The following CLDN16 variants were observed in gnomAD, a reference collection of about 807,000 sequenced individuals.
CLDN16 encodes claudin-16.
Under a neutral mutation model 24.6 loss-of-function variants are expected in CLDN16, and 13 were observed. That is an observed-to-expected ratio of 0.53 (90% CI 0.34 to 0.84). The LOEUF (loss-of-function observed/expected upper bound fraction) is 0.84. CLDN16 is among the 40% of genes least tolerant of loss of function. The pLI is 0.01. For missense variants in CLDN16, 298 were observed against 292.7 expected, an observed-to-expected ratio of 1.02 and a Z score of -0.13; for synonymous variants, 116 against 106.7, an observed-to-expected ratio of 1.09 and a Z score of -0.54.
At chr3:190,293,032 G>A in the CLDN16 span, among the ~76,000 whole-genome samples, 1 of 152,094 alleles carries the variant, frequency 6.6e-6, no homozygotes, top group Admixed American at 6.6e-5. Flanking sequence ...CCAATTTACT[G>A]TATTAGTCTA....
intron 3 of CLDN16, among the ~76,000 whole-genome samples, chr3:190,407,537 C>T (rs935649560): frequency 2.0e-5 from 3 of 152,126 alleles, no homozygotes; most frequent in African/African-American, 4.8e-5. Flanking sequence ...GTGTTTTGTC[C>T]TCCAACTCAC....
intron 1 of CLDN16, among the ~76,000 whole-genome samples, chr3:190,338,680 T>A (rs890910414): frequency 2.0e-5 from 3 of 152,154 alleles, no homozygotes; most frequent in Non-Finnish European, 4.4e-5. Context: ...TTGACAGCCT[T>A]GAGATCAATT....
chr3:190,380,006 T>TATCTATCTATCTATCTATC (rs1718326955), intron 3 of CLDN16, among the ~76,000 whole-genome samples: 2 of 151,994 alleles, frequency 1.3e-5, no homozygotes, highest in African/African-American at 4.8e-5. Context: ...TCTATCTATC[T>TATCTATCTATCTATCTATC]ATCTATCTAA....
chr3:190,335,708 CAAAAAAA>C (rs34082811), intron 1 of CLDN16, among the ~76,000 whole-genome samples: 8 of 60,136 alleles, frequency 1.3e-4, no homozygotes, highest in East Asian at 5.4e-4. Flanking sequence ...AAGACTCCAT[CAAAAAAA>C]AAAAAAAAAA....
chr3:190,333,574 CTAT>C (rs1560080562), intron 1 of CLDN16, among the ~76,000 whole-genome samples: 3 of 73,556 alleles, frequency 4.1e-5, no homozygotes, highest in African/African-American at 1.7e-4. Flanking sequence ...ATCTATCTAT[CTAT>C]CTATCAATCA....
chr3:190,382,030 A>G (rs929048031), intron 3 of CLDN16, among the ~76,000 whole-genome samples: 4 of 152,108 alleles, frequency 2.6e-5, no homozygotes, highest in Admixed American at 6.6e-5. Flanking sequence ...CAAAAGAAAA[A>G]AAAAAGCCTC....
intron 1 of CLDN16, among the ~76,000 whole-genome samples, chr3:190,334,138 A>G (rs912735299): frequency 3.3e-5 from 5 of 152,190 alleles, no homozygotes; most frequent in Admixed American, 6.5e-5. Flanking sequence ...CCTGTGCTCA[A>G]GTAATTAAAA....
At chr3:190,397,126 C>A (rs144996407) in intron 1 of CLDN16, among the ~76,000 whole-genome samples, 7 of 152,254 alleles carry the variant, frequency 4.6e-5, no homozygotes, top group African/African-American at 1.7e-4. Context: ...TGTAAAATCT[C>A]TACACATTTT....
At chr3:190,345,965 T>C (rs1197310473) in intron 1 of CLDN16, among the ~76,000 whole-genome samples, 1 of 152,134 alleles carries the variant, frequency 6.6e-6, no homozygotes, top group Non-Finnish European at 1.5e-5. Flanking sequence ...GGGACTGGAC[T>C]AAACCCAAAT....
the CLDN16 span, among the ~76,000 whole-genome samples, chr3:190,291,772 G>A: frequency 6.6e-6 from 1 of 152,118 alleles, no homozygotes. Flanking sequence ...TACAGGCACT[G>A]GGTAAATACA....
Position 190,390,961 on chromosome 3 carries a change from A to AT in CLDN16, c.114+2524dup, listed in dbSNP as rs201284017. 9.8e-3 allele frequency among the ~76,000 whole-genome samples: 1,485 copies of AT among 152,040 alleles called. 24 individuals are homozygous for AT. Among genetic ancestry groups the AT allele is most frequent in the African/African-American group, 0.034 (1,419 of 41,448 alleles). On this transcript the variant is annotated intron_variant, in intron 1 of 4. Transcript: ENST00000264734. ...TCCCCACAACTGGCTAATTTTAAAA[A>AT]TTTTTTGTAAGAACAAGGACTTTCT...
intron 2 of CLDN16, among the ~76,000 whole-genome samples, chr3:190,372,846 G>A (rs981241479): frequency 2.0e-5 from 3 of 151,896 alleles, no homozygotes; most frequent in African/African-American, 7.2e-5. Flanking sequence ...GCTTGTACCT[G>A]TATCTGATCT....
intron 1 of CLDN16, among the ~76,000 whole-genome samples, chr3:190,393,361 A>G: frequency 6.6e-6 from 1 of 152,236 alleles, no homozygotes; most frequent in Non-Finnish European, 1.5e-5. Flanking sequence ...ATTTAACTTT[A>G]TATCAGAGGG....
At chr3:190,331,118 C>A (rs1013282774) in intron 1 of CLDN16, among the ~76,000 whole-genome samples, 2 of 152,166 alleles carry the variant, frequency 1.3e-5, no homozygotes, top group Non-Finnish European at 2.9e-5. Context: ...TGCTACCATA[C>A]CTATGTGAGG....
intron 1 of CLDN16, among the ~76,000 whole-genome samples, chr3:190,358,420 T>C (rs1451349493): frequency 6.6e-6 from 1 of 151,942 alleles, no homozygotes; most frequent in African/African-American, 2.4e-5. Flanking sequence ...TAGGACTGAA[T>C]ACTTCAAGTG....
chr3:190,399,642 C>T (rs910055889), intron 1 of CLDN16, among the ~76,000 whole-genome samples: 2 of 152,060 alleles, frequency 1.3e-5, no homozygotes, highest in Non-Finnish European at 2.9e-5. Flanking sequence ...AATTAGCATA[C>T]CCATCATCTC....
chr3:190,343,955 A>G (rs912472118), intron 1 of CLDN16, among the ~76,000 whole-genome samples: 3 of 151,246 alleles, frequency 2.0e-5, no homozygotes, highest in Admixed American at 6.6e-5. Flanking sequence ...CTACATGGGT[A>G]GATTGTATCT....
At chr3:190,356,230 T>C (rs1275363970) in intron 1 of CLDN16, among the ~76,000 whole-genome samples, 1 of 151,798 alleles carries the variant, frequency 6.6e-6, no homozygotes, top group Non-Finnish European at 1.5e-5. Context: ...TATCCTGCAT[T>C]TTATGGAGTT....
chr3:190,394,549 T>C (rs1234475180), intron 1 of CLDN16, among the ~76,000 whole-genome samples: 1 of 152,190 alleles, frequency 6.6e-6, no homozygotes, highest in Non-Finnish European at 1.5e-5. Context: ...AACTTTCCAA[T>C]TGATTTCAAA....
Sources: gnomAD v4.1 joint callset for allele counts (sites outside exome capture counted in the v4.1 genomes callset) on GRCh38, gnomAD v4.1.1 for gene constraint, MANE v1.5 for transcripts, NCBI Gene and HGNC (gene_info 2026-07-23, HGNC 2026-07-21) for gene names.